ATRX: variants seen among roughly 807,000 people sequenced by gnomAD.
The protein encoded by ATRX is ATRX chromatin remodeler.
A neutral mutation model predicts 172.6 loss-of-function variants in ATRX; 12 were observed. The observed-to-expected ratio is 0.07, with a 90% confidence interval of 0.04 to 0.11. ATRX has a LOEUF of 0.11. ATRX is among the 10% of genes least tolerant of loss of function. The pLI is 1.00. For missense variants in ATRX, 1,368 were observed against 1,767.4 expected, an observed-to-expected ratio of 0.77 and a Z score of 4.05; for synonymous variants, 674 against 594.7, an observed-to-expected ratio of 1.13 and a Z score of -1.94.
intron 1 of ATRX, among the ~76,000 whole-genome samples, chrX:77,756,096 C>T (rs914388156): frequency 1.3e-4 from 14 of 111,882 alleles, no homozygotes; most frequent in African/African-American, 1.6e-4. Context: ...CACTTTGCCA[C>T]GCTGTGGTGA....
chrX:77,757,023 T>C (rs2075526163), intron 1 of ATRX, among the ~76,000 whole-genome samples: 1 of 111,276 alleles, frequency 9.0e-6, no homozygotes, highest in African/African-American at 3.3e-5. Flanking sequence ...TGGCATCAAG[T>C]GATCCATCCG....
intron 1 of ATRX, among the ~76,000 whole-genome samples, chrX:77,735,598 CTAAATAAATAAA>C (rs200045391): frequency 3.0e-4 from 18 of 60,139 alleles, no homozygotes; most frequent in Non-Finnish European, 4.5e-4. Flanking sequence ...TCTCAAAAAA[CTAAATAAATAAA>C]TAAATAAATA....
At chrX:77,776,384 C>G (rs1557202353) in intron 1 of ATRX, among the ~76,000 whole-genome samples, 11 of 111,676 alleles carry the variant, frequency 9.8e-5, no homozygotes, top group Non-Finnish European at 1.9e-5. Context: ...ATTTACATCA[C>G]CCCAGAAATG....
intron 22 of ATRX, among the ~76,000 whole-genome samples, chrX:77,601,902 G>A (rs1241276880): frequency 5.4e-5 from 6 of 111,742 alleles, no homozygotes; most frequent in East Asian, 2.8e-4. Flanking sequence ...ATAATTTCTC[G>A]GCATACAGCT....
intron 27 of ATRX, among the ~76,000 whole-genome samples, chrX:77,587,933 T>A (rs1214960995): frequency 8.9e-6 from 1 of 112,222 alleles, no homozygotes; most frequent in Non-Finnish European, 1.9e-5. Flanking sequence ...TATTAGCATC[T>A]AAGCTGACTT....
chrX:77,683,264 C>T lies in ATRX; in HGVS notation c.1992G>A (p.Leu664=), dbSNP rs2148609791. 1 of 1,210,998 alleles carries T rather than the reference C, an allele frequency of 8.3e-7. No homozygotes were observed. The highest frequency in any genetic ancestry group is 1.1e-6 in the Non-Finnish European group (1 of 895,029). ...RRSPRVKTTP[L]RRPTETNPVT... The stretch of plus-strand genomic sequence containing the variant: ...CAGGGTTAGTTTCTGTCGGTCGCCT[C>T]AAGGGTGTAGTCTTTACACGTGGGG... The change falls in exon 9 of 35, where the codon TTG becomes TTA. Residue 664 remains leucine, a synonymous_variant. Transcript: ENST00000373344.
intron 7 of ATRX, among the ~76,000 whole-genome samples, chrX:77,686,350 T>G (rs782745064): frequency 4.9e-4 from 55 of 111,981 alleles, no homozygotes; most frequent in Non-Finnish European, 7.5e-4. Flanking sequence ...CACAAAAATT[T>G]TAAAAATACA....
intron 1 of ATRX, among the ~76,000 whole-genome samples, chrX:77,728,282 A>T (rs1194846507): frequency 1.8e-5 from 2 of 111,372 alleles, no homozygotes; most frequent in African/African-American, 6.5e-5. Flanking sequence ...GCTCAGTTTA[A>T]TGAGCAAATT....
chrX:77,523,120 T>C lies in ATRX; in HGVS notation c.6849+132A>G. 9.2e-6 allele frequency: 8 copies of C among 872,940 alleles called. No homozygotes were observed. In the South Asian group the frequency reaches 1.6e-4, roughly 17 times the overall value. The allele number at this position is 872,940 out of a possible 1,213,427, so 71.9% of individuals were successfully genotyped here. On this transcript the variant is annotated intron_variant, in intron 31 of 34. Coordinates refer to ENST00000373344, the MANE Select transcript of ATRX (RefSeq NM_000489.6). ...CTGAAACCAACCCATAAAGAGATTC[T>C]TGTAATTGGGGAATGTGTTCCTAAA...
intron 2 of ATRX, among the ~76,000 whole-genome samples, chrX:77,706,654 A>G (rs1399498305): frequency 9.0e-6 from 1 of 111,390 alleles, no homozygotes; most frequent in Non-Finnish European, 1.9e-5. Context: ...CTGTAATCCC[A>G]GCTACTTGTG....
At chrX:77,687,540 AG>A (rs1557144660) in intron 7 of ATRX, among the ~76,000 whole-genome samples, 1 of 112,284 alleles carries the variant, frequency 8.9e-6, no homozygotes, top group African/African-American at 3.2e-5. Flanking sequence ...ACTACCGATT[AG>A]TGAAATGGCC....
chrX:77,746,041 T>C (rs180673972), intron 1 of ATRX, among the ~76,000 whole-genome samples: 3 of 111,735 alleles, frequency 2.7e-5, no homozygotes, highest in Non-Finnish European at 5.6e-5. Context: ...GGAACACTCA[T>C]ACACTGTTGG....
chrX:77,508,335 A>C lies in ATRX; in HGVS notation c.*16T>G, dbSNP rs2062754623. 1.7e-6 allele frequency: 2 copies of C among 1,208,440 alleles called. No homozygotes were observed. The highest frequency in any genetic ancestry group is 2.2e-6 in the Non-Finnish European group (2 of 892,442). ...TTTCTATGATTTTAACAATCCATTA[A>C]GCTTTTAGTGCAAAATCACATTGAT... On this transcript the variant is annotated 3_prime_UTR_variant, in exon 35 of 35. Coordinates refer to ENST00000373344, the MANE Select transcript of ATRX (RefSeq NM_000489.6).
At chrX:77,784,364 C>G (rs1333631936) in intron 1 of ATRX, among the ~76,000 whole-genome samples, 1 of 112,498 alleles carries the variant, frequency 8.9e-6, no homozygotes, top group African/African-American at 3.2e-5. Context: ...GTAAGAAAAA[C>G]TGACCCTTGT....
intron 1 of ATRX, among the ~76,000 whole-genome samples, chrX:77,728,654 T>C (rs1475107421): frequency 9.0e-6 from 1 of 111,683 alleles, no homozygotes; most frequent in Non-Finnish European, 1.9e-5. Context: ...TGGTGATACA[T>C]ACATTTACAA....
intron 19 of ATRX, among the ~76,000 whole-genome samples, chrX:77,624,292 G>A (rs1479444703): frequency 3.6e-5 from 4 of 111,086 alleles, no homozygotes; most frequent in Non-Finnish European, 3.8e-5. Flanking sequence ...GCGTGAACCC[G>A]GGAGGCGGAG....
At chrX:77,686,101 C>CA (rs1241943805) in intron 7 of ATRX, among the ~76,000 whole-genome samples, 3 of 111,078 alleles carry the variant, frequency 2.7e-5, no homozygotes, top group African/African-American at 9.8e-5. Flanking sequence ...TTAATGAGTA[C>CA]AAAAAAATAC....
intron 1 of ATRX, among the ~76,000 whole-genome samples, chrX:77,733,118 A>G (rs1557176896): frequency 8.9e-6 from 1 of 111,990 alleles, no homozygotes; most frequent in Non-Finnish European, 1.9e-5. Context: ...ATCGACAGTG[A>G]CCAATCTGAA....
chrX:77,763,458 C>A (rs868979582), intron 1 of ATRX, among the ~76,000 whole-genome samples: 2 of 78,081 alleles, frequency 2.6e-5, no homozygotes, highest in Non-Finnish European at 4.8e-5. Flanking sequence ...ATACTATTTT[C>A]TTTTTTCTTT....
Sources: gnomAD v4.1 joint callset for allele counts (sites outside exome capture counted in the v4.1 genomes callset) on GRCh38, gnomAD v4.1.1 for gene constraint, MANE v1.5 for transcripts, NCBI Gene and HGNC (gene_info 2026-07-23, HGNC 2026-07-21) for gene names.